Variants in GABRA2 observed in about 807,000 individuals in gnomAD.
GABRA2 encodes the protein gamma-aminobutyric acid type A receptor subunit alpha2.
In GABRA2, 16 loss-of-function variants were observed where a neutral mutation model predicts 48.7. That is an observed-to-expected ratio of 0.33 (90% CI 0.22 to 0.50). GABRA2 has a LOEUF of 0.50. Ranked by LOEUF, GABRA2 falls within the 20% of genes least tolerant of loss-of-function variation. The probability of loss-of-function intolerance (pLI) is 0.98; values close to 1 mark genes in which losing one functional copy is unlikely to be tolerated. For synonymous variants in GABRA2, 185 were observed against 184.5 expected, an observed-to-expected ratio of 1.00 and a Z score of -0.02; for missense variants, 275 against 535.6, an observed-to-expected ratio of 0.51 and a Z score of 4.80.
At chr4:46,356,450 A>AC (rs1160444754) in intron 3 of GABRA2, among the ~76,000 whole-genome samples, 1 of 151,368 alleles carries the variant, frequency 6.6e-6, no homozygotes, top group African/African-American at 2.4e-5. Flanking sequence ...AAAAAAAAAA[A>AC]AGCCACTGTT....
intron 3 of GABRA2, among the ~76,000 whole-genome samples, chr4:46,340,032 CA>C (rs1322130319): frequency 6.6e-6 from 1 of 151,708 alleles, no homozygotes; most frequent in Non-Finnish European, 1.5e-5. Flanking sequence ...TCTTAGGTCA[CA>C]AATATTGGTT....
chr4:46,260,048 C>T (rs1577790471), intron 9 of GABRA2, among the ~76,000 whole-genome samples: 1 of 151,606 alleles, frequency 6.6e-6, no homozygotes, highest in Middle Eastern at 3.4e-3. Context: ...TTTTACAAAA[C>T]TTTCCATGAA....
intron 8 of GABRA2, among the ~76,000 whole-genome samples, chr4:46,277,154 GA>G (rs1421299797): frequency 6.6e-6 from 1 of 152,064 alleles, no homozygotes; most frequent in Non-Finnish European, 1.5e-5. Flanking sequence ...CTATATTCCT[GA>G]AACAACTTCT....
At chr4:46,371,509 AT>A (rs1466150934) in intron 3 of GABRA2, among the ~76,000 whole-genome samples, 2 of 152,166 alleles carry the variant, frequency 1.3e-5, no homozygotes, top group East Asian at 1.9e-4. Flanking sequence ...TATCCAATAC[AT>A]TTTTTTATAA....
At chr4:46,250,997 T>C (rs1714640972) in intron 9 of GABRA2, among the ~76,000 whole-genome samples, 1 of 151,618 alleles carries the variant, frequency 6.6e-6, no homozygotes, top group Admixed American at 6.6e-5. Flanking sequence ...CTACAATGAA[T>C]GATCCCACAT....
rs1173043398 is a variant in GABRA2, at chr4:46,390,061, G to GA, written c.-338_-337insT. ...CGATGACAGGAGCTGGGGCCGGGGG[G>GA]GGAAATTGGGGGGACGCGGGCGGAG... On this transcript the variant is annotated 5_prime_UTR_variant, in exon 1 of 10. Transcript: ENST00000381620. 9.6e-6 allele frequency: 2 copies of GA among 208,248 alleles called. No individual in the cohort carries two copies. Among genetic ancestry groups the GA allele is most frequent in the Non-Finnish European group, 7.9e-6 (1 of 126,990 alleles). The allele number at this position is 208,248 out of a possible 1,614,324, so 12.9% of individuals were successfully genotyped here.
At chr4:46,373,129 G>C (rs781614702) in intron 3 of GABRA2, among the ~76,000 whole-genome samples, 2 of 152,166 alleles carry the variant, frequency 1.3e-5, no homozygotes, top group Non-Finnish European at 2.9e-5. Flanking sequence ...CAGACTGGGT[G>C]GGGTAGTAGC....
intron 3 of GABRA2, among the ~76,000 whole-genome samples, chr4:46,337,825 A>T (rs1732522837): frequency 6.6e-6 from 1 of 151,856 alleles, no homozygotes; most frequent in Non-Finnish European, 1.5e-5. Flanking sequence ...ACAAATGAAG[A>T]GGTTTGGAAA....
At chr4:46,313,953 C>G (rs544059004) in intron 4 of GABRA2, among the ~76,000 whole-genome samples, 2 of 152,058 alleles carry the variant, frequency 1.3e-5, no homozygotes, top group Non-Finnish European at 2.9e-5. Context: ...TCCCAGTGAT[C>G]CCTCAAAACT....
intron 8 of GABRA2, among the ~76,000 whole-genome samples, chr4:46,286,898 T>C (rs1326072227): frequency 6.6e-6 from 1 of 152,194 alleles, no homozygotes; most frequent in Non-Finnish European, 1.5e-5. Flanking sequence ...TTGTAAGGTG[T>C]CTTTTTACAT....
Position 46,246,392 on chromosome 4 carries a change from G to C in GABRA2, c.*3916C>G, listed in dbSNP as rs922329986. Among the ~76,000 whole-genome samples, 7 of 150,930 alleles carry C rather than the reference G, an allele frequency of 4.6e-5. No homozygotes were observed. The highest frequency in any genetic ancestry group is 1.0e-4 in the Non-Finnish European group (7 of 67,376). On this transcript the variant is annotated 3_prime_UTR_variant, in exon 10 of 10. Transcript: ENST00000381620. ...AATTCAGTAGATAAAAATATGACTT[G>C]TCTTCTCCACACTGTTACAAGTGGT...
chr4:46,313,640 T>C (rs1215500166), intron 4 of GABRA2, among the ~76,000 whole-genome samples: 1 of 151,946 alleles, frequency 6.6e-6, no homozygotes, highest in Non-Finnish European at 1.5e-5. Flanking sequence ...AACGTACACA[T>C]TTTAAATGAG....
At chr4:46,287,658 T>C (rs1044951274) in intron 8 of GABRA2, among the ~76,000 whole-genome samples, 13 of 143,540 alleles carry the variant, frequency 9.1e-5, no homozygotes, top group Middle Eastern at 3.3e-3. Flanking sequence ...AGGGATAGCA[T>C]TGGGAGATAT....
intron 8 of GABRA2, among the ~76,000 whole-genome samples, chr4:46,269,751 A>G (rs1420468652): frequency 2.6e-5 from 4 of 151,894 alleles, no homozygotes; most frequent in Admixed American, 2.6e-4. Flanking sequence ...AAAATGAAAT[A>G]CCAGAAATAA....
intron 8 of GABRA2, among the ~76,000 whole-genome samples, chr4:46,278,644 T>G (rs1469630894): frequency 6.6e-6 from 1 of 152,174 alleles, no homozygotes; most frequent in Non-Finnish European, 1.5e-5. Flanking sequence ...TTCTATCAAT[T>G]TTTCTGATCA....
intron 4 of GABRA2, among the ~76,000 whole-genome samples, chr4:46,324,758 T>C (rs1364075699): frequency 3.3e-5 from 5 of 151,722 alleles, no homozygotes; most frequent in Admixed American, 6.6e-5. Flanking sequence ...CTATTGTTCC[T>C]ATCTTTCTGT....
In GABRA2 at chr4:46,340,118, C is replaced by T. The variant is rs149803759; in HGVS notation, c.188-7436G>A. Among the ~76,000 whole-genome samples the T allele has an allele frequency of 2.1e-3, 318 of 151,970 alleles. 2 individuals are homozygous for T. Among genetic ancestry groups the T allele is most frequent in the African/African-American group, 7.5e-3 (310 of 41,536 alleles). On this transcript the variant is annotated intron_variant, in intron 3 of 9. Coordinates refer to ENST00000381620, the MANE Select transcript of GABRA2 (RefSeq NM_000807.4). ...GCACAATCCAAAGACTTCTTACCTC[C>T]TCTGTTGTTATGACTCTTAAAGCTA...
intron 8 of GABRA2, among the ~76,000 whole-genome samples, chr4:46,288,254 C>T (rs568752951): frequency 7.2e-5 from 11 of 152,206 alleles, no homozygotes; most frequent in Middle Eastern, 6.8e-3. Context: ...ATTTGGCTCT[C>T]GGCTTGACTG....
intron 3 of GABRA2, among the ~76,000 whole-genome samples, chr4:46,380,211 G>T (rs1180354460): frequency 6.6e-6 from 1 of 152,118 alleles, no homozygotes; most frequent in African/African-American, 2.4e-5. Flanking sequence ...TGAATTGATG[G>T]TGCCAAATTT....
Sources: allele counts gnomAD v4.1 joint callset (sites outside exome capture counted in the v4.1 genomes callset), GRCh38; gene constraint gnomAD v4.1.1; transcripts MANE v1.5; gene names NCBI Gene and HGNC (gene_info 2026-07-23, HGNC 2026-07-21).